The following TRNT1 variants were observed in gnomAD, a reference collection of about 807,000 sequenced individuals.
The protein encoded by TRNT1 is CCA tRNA nucleotidyltransferase 1, mitochondrial.
A neutral mutation model predicts 45.6 loss-of-function variants in TRNT1; 44 were observed. The observed-to-expected ratio is 0.97, with a 90% CI of 0.76 to 1.24. The LOEUF is 1.24. Ranked by LOEUF, TRNT1 falls within the 50% of genes most tolerant of loss-of-function variation. TRNT1 has a pLI of 0.00. For synonymous variants in TRNT1, 201 were observed against 171.4 expected (o/e 1.17, Z -1.35); for missense variants, 633 against 504.4 (o/e 1.25, Z -2.44).
At chr3:3,127,067 G>A (rs1480857828) in intron 1 of TRNT1, 77 bp downstream of exon 1, 1 of 152,342 alleles carries the variant, frequency 6.6e-6, no homozygotes, top group Non-Finnish European at 1.5e-5. Flanking sequence ...CTGTGGGCCA[G>A]AGGCGCCACC....
downstream of TRNT1, chr3:3,149,128 A>G (rs1706286549): frequency 2.0e-5 from 3 of 152,162 alleles, no homozygotes; most frequent in Non-Finnish European, 1.5e-5. Context: ...ATGAGCAAAT[A>G]GTAATTTTGG....
At chr3:3,140,769 GT>G in intron 4 of TRNT1, 121 bp downstream of exon 4, 1 of 1,281,082 alleles carries the variant, frequency 7.8e-7, no homozygotes, top group Non-Finnish European at 1.1e-6. Flanking sequence ...CTAAGAGATG[GT>G]TTAGCAGATT....
intron 4 of TRNT1, among the ~76,000 whole-genome samples, chr3:3,144,336 A>G (rs1196762457): frequency 1.3e-5 from 2 of 152,156 alleles, no homozygotes; most frequent in African/African-American, 2.4e-5. Context: ...CAAGTTTTGC[A>G]TATTTCTTGT....
At chr3:3,150,008 A>ATGTT (rs1706389435), downstream of TRNT1, 1 of 152,152 alleles carries the variant, frequency 6.6e-6, no homozygotes, top group Non-Finnish European at 1.5e-5. Flanking sequence ...AACAAAGAAC[A>ATGTT]TGTTTAGTTT....
chr3:3,144,794 C>T, intron 5 of TRNT1, 84 bp downstream of exon 5: 1 of 1,324,286 alleles, frequency 7.6e-7, no homozygotes, highest in Non-Finnish European at 1.0e-6. Context: ...CACAGCAGGT[C>T]AGTGTACAAA....
At chr3:3,129,991 C>G (rs1704904930) in intron 2 of TRNT1, 1 of 1,549,154 alleles carries the variant, frequency 6.5e-7, no homozygotes, top group African/African-American at 1.4e-5. Flanking sequence ...GTTGCAAAAC[C>G]TGTCTGGAAG....
chr3:3,147,877 G>A (rs750561965), intron 7 of TRNT1, 29 bp from the exon 8 acceptor site: 9 of 1,589,834 alleles, frequency 5.7e-6, no homozygotes, highest in South Asian at 1.2e-5. Flanking sequence ...CATGTGTGAC[G>A]AAACTAAATG....
In TRNT1 at chr3:3,132,742, A is replaced by AAC. The variant is rs1553552216; in HGVS notation, c.148+3555_148+3556insCA. ...TATACCTATTGAAGGAAAAAAAAAAAAACACAAAAAAAAAACACTGGATTT... is the reference window on the plus strand; with the variant it reads ...TATACCTATTGAAGGAAAAAAAAAAAACAACACAAAAAAAAAACACTGGATTT... On this transcript the variant is annotated intron_variant, in intron 2 of 7. Coordinates refer to ENST00000251607, the MANE Select transcript of TRNT1 (RefSeq NM_182916.3). Among the ~76,000 whole-genome samples the AAC allele has an allele frequency of 5.9e-5, 8 of 134,874 alleles. No homozygotes were observed. In the East Asian group the frequency reaches 2.7e-3, roughly 45 times the overall value. 88.5% of individuals were successfully genotyped at this position (134,874 alleles called of 152,430 possible).
intron 6 of TRNT1, 21 bp downstream of exon 6, chr3:3,146,644 G>GT (rs915856853): frequency 6.6e-7 from 1 of 1,511,572 alleles, no homozygotes; most frequent in African/African-American, 1.4e-5. Flanking sequence ...GTTATAAAGT[G>GT]TTTGAATTTT....
intron 5 of TRNT1, 64 bp from the exon 6 acceptor site, chr3:3,146,366 A>G: frequency 7.5e-7 from 1 of 1,335,620 alleles, no homozygotes; most frequent in Non-Finnish European, 1.0e-6. Flanking sequence ...TAAAAATGAA[A>G]AACAGATTTT....
chr3:3,130,262 C>T, intron 2 of TRNT1: 1 of 320,192 alleles, frequency 3.1e-6, no homozygotes, highest in Non-Finnish European at 5.8e-6. Context: ...TACCTGCAGC[C>T]TACTGAATTA....
intron 2 of TRNT1, chr3:3,129,807 G>T: frequency 1.4e-6 from 2 of 1,447,892 alleles, no homozygotes; most frequent in South Asian, 1.2e-5. Flanking sequence ...TTAGGCATGT[G>T]AAGTGCTTTG....
chr3:3,147,673 A>G lies in TRNT1; in HGVS notation c.1026A>G (p.Pro342=), dbSNP rs767388512. The G allele has an allele frequency of 6.8e-6, 11 of 1,613,020 alleles. No individual in the cohort carries two copies. In the African/African-American group the frequency reaches 1.1e-4, roughly 16 times the overall value. ...DLIKATDSSD[P]LKPYQDFIID... is the part of the protein sequence containing the mutation. ...TTAAAGCAACAGATAGTTCAGACCC[A>G]TTGAAACCCTATCAAGACTTCATTA... Residue 342 remains proline (P), a synonymous_variant, in exon 7 of 8, where the codon CCA becomes CCG. Transcript: ENST00000251607.
At chr3:3,133,377 A>C (rs560829500) in intron 2 of TRNT1, among the ~76,000 whole-genome samples, 52 of 152,110 alleles carry the variant, frequency 3.4e-4, no homozygotes, top group African/African-American at 1.2e-3. Flanking sequence ...AACATAGTGA[A>C]ATCCCATCTG....
At position 3,147,962 on chromosome 3, in the gene TRNT1, G is replaced by T; in HGVS notation, c.1113G>T (p.Glu371Asp). The part of the protein sequence containing the change: ...RVCELLKYQG[E>D]HCLLKEMQQW... ...GTGAACTACTGAAGTACCAAGGAGA[G>T]CACTGTCTCCTAAAGGAAATGCAGC... The change falls in exon 8 of 8, where the codon GAG becomes GAT. Residue 371 changes from glutamate (E) to aspartate (D), a missense_variant. Physicochemically the swap from Glu to Asp is conservative, Grantham distance 45 (BLOSUM62 2). Coordinates refer to ENST00000251607, the MANE Select transcript of TRNT1 (RefSeq NM_182916.3). 1.2e-6 allele frequency: 2 copies of T among 1,613,814 alleles called. No individual in the cohort carries two copies. The highest frequency in any genetic ancestry group is 1.7e-6 in the Non-Finnish European group (2 of 1,179,740).
At chr3:3,152,328 G>C, downstream of TRNT1, 2 of 1,054,690 alleles carry the variant, frequency 1.9e-6, no homozygotes, top group Non-Finnish European at 2.8e-6. Flanking sequence ...AATTTTTGTA[G>C]CAAATTACTC....
At chr3:3,144,745 A>C (rs1705878369) in intron 5 of TRNT1, 35 bp downstream of exon 5, 1 of 1,482,338 alleles carries the variant, frequency 6.7e-7, no homozygotes, top group Non-Finnish European at 9.1e-7. Flanking sequence ...TGATAGTTTT[A>C]ATATCATGAC....
intron 2 of TRNT1, chr3:3,136,637 TG>T: frequency 2.3e-6 from 1 of 433,946 alleles, no homozygotes; most frequent in South Asian, 1.7e-5. Context: ...CAGAATTGTT[TG>T]ATTTACTTTC....
chr3:3,137,298 G>C lies in TRNT1; in HGVS notation c.187G>C (p.Gly63Arg). The C allele has an allele frequency of 6.2e-7, 1 of 1,607,574 alleles. No homozygotes were observed. The highest frequency in any genetic ancestry group is 8.5e-7 in the Non-Finnish European group (1 of 1,177,926). The change falls in exon 3 of 8, where the codon GGA (glycine) becomes CGA (arginine). Residue 63 changes from glycine (G) to arginine (R), a missense_variant. Gly to Arg is a moderately radical substitution (Grantham distance 125). Transcript: ENST00000251607. ...AGAGAATCACGAATTAAGAATAGCA[G>C]GAGGAGCAGTGAGGGATTTATTAAA... ...VKENHELRIA[G>R]GAVRDLLNGV...
Sources: gnomAD v4.1 joint callset for allele counts (sites outside exome capture counted in the v4.1 genomes callset) on GRCh38, gnomAD v4.1.1 for gene constraint, MANE v1.5 for transcripts, NCBI Gene and HGNC (gene_info 2026-07-23, HGNC 2026-07-21) for gene names.